Variants in XYLT1 observed in about 807,000 individuals in gnomAD.
XYLT1 encodes beta-D-xylosyltransferase 1.
Under a neutral mutation model 91.3 loss-of-function variants are expected in XYLT1, and 36 were observed. The ratio of observed to expected loss-of-function variants is 0.39; its 90% CI spans 0.30 to 0.52. The LOEUF is 0.52. Ranked by LOEUF, XYLT1 falls within the 20% of genes least tolerant of loss-of-function variation. XYLT1 has a pLI of 0.68. For missense variants in XYLT1, 1,242 were observed against 1,284.5 expected (o/e 0.97, Z 0.51); for synonymous variants, 588 against 532.0 (o/e 1.11, Z -1.45).
chr16:17,404,864 C>G (rs1045168449), intron 1 of XYLT1, among the ~76,000 whole-genome samples: 1 of 152,206 alleles, frequency 6.6e-6, no homozygotes, highest in Non-Finnish European at 1.5e-5. Context: ...CAGGCATAAA[C>G]GTGTGCAGAG....
At chr16:17,177,441 T>C (rs2031970277) in intron 5 of XYLT1, among the ~76,000 whole-genome samples, 1 of 152,302 alleles carries the variant, frequency 6.6e-6, no homozygotes, top group South Asian at 2.1e-4. Flanking sequence ...GTCATGAAGA[T>C]GTCATTATTT....
intron 5 of XYLT1, among the ~76,000 whole-genome samples, chr16:17,171,117 C>G (rs1567306448): frequency 1.3e-5 from 2 of 152,222 alleles, no homozygotes; most frequent in East Asian, 3.9e-4. Flanking sequence ...CAAGAGAGAT[C>G]TAGTACAGCT....
At chr16:17,180,204 A>G (rs2032036463) in intron 5 of XYLT1, among the ~76,000 whole-genome samples, 1 of 152,192 alleles carries the variant, frequency 6.6e-6, no homozygotes, top group African/African-American at 2.4e-5. Flanking sequence ...TACTGCAGCC[A>G]TCACTGTCAT....
At chr16:17,371,552 G>A (rs772195401) in intron 1 of XYLT1, among the ~76,000 whole-genome samples, 1 of 152,190 alleles carries the variant, frequency 6.6e-6, no homozygotes, top group Non-Finnish European at 1.5e-5. Context: ...AAGCAGAAAG[G>A]TTAGTCTTTA....
chr16:17,455,740 C>A (rs541812689), intron 1 of XYLT1, among the ~76,000 whole-genome samples: 40 of 152,306 alleles, frequency 2.6e-4, no homozygotes, highest in African/African-American at 9.1e-4. Flanking sequence ...TTTTCTGCGG[C>A]GTCTGCGCAT....
intron 5 of XYLT1, among the ~76,000 whole-genome samples, chr16:17,161,675 G>GTGCTCT (rs1555484015): frequency 4.2e-5 from 4 of 94,476 alleles, no homozygotes; most frequent in Non-Finnish European, 1.0e-4. Flanking sequence ...AGTTTCTCGC[G>GTGCTCT]CGCTCTCTCT....
intron 3 of XYLT1, among the ~76,000 whole-genome samples, chr16:17,241,439 T>C (rs150432303): frequency 6.6e-6 from 1 of 152,384 alleles, no homozygotes; most frequent in East Asian, 1.9e-4. Context: ...AGTTTCTTCA[T>C]GCCTGGCCCA....
chr16:17,316,179 G>A (rs1261009879), intron 2 of XYLT1, among the ~76,000 whole-genome samples: 1 of 152,258 alleles, frequency 6.6e-6, no homozygotes, highest in Non-Finnish European at 1.5e-5. Flanking sequence ...GAATCCACAG[G>A]AAATTAAGCT....
chr16:17,109,834 A>G (rs1037176711), intron 11 of XYLT1, among the ~76,000 whole-genome samples: 9 of 152,348 alleles, frequency 5.9e-5, no homozygotes, highest in Admixed American at 4.6e-4. Context: ...TCCAGATCTC[A>G]GCTGCCGAGC....
intron 1 of XYLT1, among the ~76,000 whole-genome samples, chr16:17,459,215 T>C (rs1458543094): frequency 2.0e-5 from 3 of 151,872 alleles, no homozygotes; most frequent in South Asian, 4.2e-4. Flanking sequence ...CTTCAAAAAA[T>C]ACAAAAATTA....
At chr16:17,276,581 T>C (rs2033979200) in intron 2 of XYLT1, among the ~76,000 whole-genome samples, 1 of 152,206 alleles carries the variant, frequency 6.6e-6, no homozygotes, top group Non-Finnish European at 1.5e-5. Context: ...AACTTTCGCG[T>C]GCACTGTCAT....
At chr16:17,126,808 A>AC (rs2030277496) in intron 10 of XYLT1, among the ~76,000 whole-genome samples, 1 of 152,188 alleles carries the variant, frequency 6.6e-6, no homozygotes, top group South Asian at 2.1e-4. Flanking sequence ...CTGCACCACG[A>AC]CCCAAGTACA....
At chr16:17,152,339 C>T (rs560321206) in intron 6 of XYLT1, among the ~76,000 whole-genome samples, 4 of 152,304 alleles carry the variant, frequency 2.6e-5, no homozygotes, top group East Asian at 1.9e-4. Flanking sequence ...TTTATTTTGA[C>T]GTGGCTGCTA....
At chr16:17,144,170 C>T (rs903895570) in intron 6 of XYLT1, among the ~76,000 whole-genome samples, 7 of 152,186 alleles carry the variant, frequency 4.6e-5, no homozygotes, top group Non-Finnish European at 7.3e-5. Context: ...TTCATGTGAG[C>T]TAGGGTTGTT....
At chr16:17,293,491 CTTTTTTT>C (rs548581536) in intron 2 of XYLT1, among the ~76,000 whole-genome samples, 11 of 119,100 alleles carry the variant, frequency 9.2e-5, no homozygotes, top group Non-Finnish European at 3.6e-5. Flanking sequence ...TTTCTCCCTC[CTTTTTTT>C]TTTTTTTTTT....
At chr16:17,393,596 T>C (rs1304407404) in intron 1 of XYLT1, among the ~76,000 whole-genome samples, 1 of 152,050 alleles carries the variant, frequency 6.6e-6, no homozygotes, top group Admixed American at 6.5e-5. Flanking sequence ...CAGCAATACA[T>C]GCTACATCTT....
At chr16:17,214,374 C>T (rs2032817159) in intron 3 of XYLT1, among the ~76,000 whole-genome samples, 1 of 152,214 alleles carries the variant, frequency 6.6e-6, no homozygotes, top group Non-Finnish European at 1.5e-5. Flanking sequence ...AATAGGGATA[C>T]ATATTGACCC....
intron 2 of XYLT1, among the ~76,000 whole-genome samples, chr16:17,285,904 GTGTGTGTGTGTGTGTCCA>G (rs2034131130): frequency 8.1e-6 from 1 of 123,160 alleles, no homozygotes. Flanking sequence ...GTGTGTGTGT[GTGTGTGTGTGTGTGTCCA>G]TGTGTGTGTG....
intron 2 of XYLT1, among the ~76,000 whole-genome samples, chr16:17,334,119 C>T (rs1340544079): frequency 6.6e-6 from 1 of 152,198 alleles, no homozygotes; most frequent in Non-Finnish European, 1.5e-5. Context: ...AGAGAGCAAC[C>T]CTCACCAGAC....
Sources: gnomAD v4.1 joint callset for allele counts (sites outside exome capture counted in the v4.1 genomes callset) on GRCh38, gnomAD v4.1.1 for gene constraint, MANE v1.5 for transcripts, NCBI Gene and HGNC (gene_info 2026-07-23, HGNC 2026-07-21) for gene names.